Variants in ITPR2 observed in about 807,000 individuals in gnomAD.
ITPR2 encodes the protein inositol 1,4,5-trisphosphate receptor type 2.
In ITPR2, 207 loss-of-function variants were observed where a neutral mutation model predicts 317.1. The ratio of observed to expected loss-of-function variants is 0.65; its 90% CI spans 0.58 to 0.73. The LOEUF (loss-of-function observed/expected upper bound fraction) is 0.73. Among genes scored for constraint, ITPR2 ranks in the 30% least tolerant of loss-of-function variants. The probability of loss-of-function intolerance (pLI) is 0.00; values close to 1 mark genes in which losing one functional copy is unlikely to be tolerated. For missense variants in ITPR2, 2,613 were observed against 3,284.0 expected (o/e 0.80, Z 4.99); for synonymous variants, 1,156 against 1,149.1 (o/e 1.01, Z -0.12).
chr12:26,828,890 C>G (rs1194656469), intron 1 of ITPR2, among the ~76,000 whole-genome samples: 1 of 152,134 alleles, frequency 6.6e-6, no homozygotes, highest in Non-Finnish European at 1.5e-5. Context: ...CGCAAGGAGC[C>G]GTGGGCAAAC....
chr12:26,464,405 G>A (rs1018229295), intron 45 of ITPR2, among the ~76,000 whole-genome samples: 1 of 152,118 alleles, frequency 6.6e-6, no homozygotes, highest in African/African-American at 2.4e-5. Context: ...TCACGACAAG[G>A]TTCACACTCT....
At chr12:26,520,007 G>T (rs1177698441) in intron 37 of ITPR2, among the ~76,000 whole-genome samples, 1 of 152,194 alleles carries the variant, frequency 6.6e-6, no homozygotes, top group Non-Finnish European at 1.5e-5. Context: ...CTGGCTGGGA[G>T]GTAGGTGGGA....
intron 2 of ITPR2, among the ~76,000 whole-genome samples, chr12:26,771,639 T>C (rs1949845729): frequency 6.6e-6 from 1 of 152,110 alleles, no homozygotes; most frequent in Non-Finnish European, 1.5e-5. Context: ...CTCAGCCTCC[T>C]GAGCAGCTGG....
chr12:26,774,421 T>C (rs1196598894), intron 2 of ITPR2, among the ~76,000 whole-genome samples: 1 of 152,160 alleles, frequency 6.6e-6, no homozygotes, highest in Non-Finnish European at 1.5e-5. Flanking sequence ...AGAGGATCAT[T>C]TGAGGCCAGG....
intron 5 of ITPR2, among the ~76,000 whole-genome samples, chr12:26,719,423 C>T (rs1948795338): frequency 6.6e-6 from 1 of 152,084 alleles, no homozygotes; most frequent in Admixed American, 6.6e-5. Context: ...TCCAAAAGCA[C>T]TTCTGTTGAT....
rs895504695 is a variant in ITPR2 at position 26,481,350 on chromosome 12, T to C, written c.6013-109A>G. 45 of 631,378 alleles carry C rather than the reference T, an allele frequency of 7.1e-5. 2 individuals are homozygous for C. In the South Asian group the frequency reaches 8.7e-4, roughly 12 times the overall value. 39.1% of individuals were successfully genotyped at this position (631,378 alleles called of 1,614,324 possible). A position where few individuals can be genotyped will look rare whatever the true frequency, so the allele number is the denominator to read the frequency against. Reference sequence around the variant, plus strand: ...ACCTTAATTTTTGACCTTTAAAAAATAGGTAAGATTTACCTTTGAGCATTT... The same window carrying C: ...ACCTTAATTTTTGACCTTTAAAAAACAGGTAAGATTTACCTTTGAGCATTT... On this transcript the variant is annotated intron_variant, in intron 42 of 56. Coordinates refer to ENST00000381340, the MANE Select transcript of ITPR2 (RefSeq NM_002223.4).
chr12:26,702,135 A>G (rs1343313947), intron 9 of ITPR2, among the ~76,000 whole-genome samples: 1 of 152,162 alleles, frequency 6.6e-6, no homozygotes, highest in Non-Finnish European at 1.5e-5. Context: ...CTACAATAAT[A>G]ATACAAGTAA....
chr12:26,494,209 A>C lies in ITPR2; in HGVS notation c.5314T>G (p.Ser1772Ala). 6.2e-7 allele frequency: 1 copy of C among 1,613,232 alleles called. No homozygotes were observed. The highest frequency in any genetic ancestry group is 1.1e-5 in the South Asian group (1 of 90,962). Residue 1772 changes from serine to alanine, a missense_variant, in exon 39 of 57, where the codon TCA becomes GCA. Around this residue, in one of 9 missense-constraint regions of ITPR2, gnomAD observed 926 missense variants for 1,072.8 expected, o/e 0.86. Coordinates refer to ENST00000381340, the MANE Select transcript of ITPR2 (RefSeq NM_002223.4). Reference sequence around the variant, plus strand: ...GCAATGCCGAGGAAAATGCCTTCTGAAAAAATTCTGTCATTTTTGGTGTTC... The same window carrying C: ...GCAATGCCGAGGAAAATGCCTTCTGCAAAAATTCTGTCATTTTTGGTGTTC... ...IVNTKNDRIFSEGIFLGIALL... is the reference protein window; with the variant it reads ...IVNTKNDRIFAEGIFLGIALL...
At chr12:26,762,755 TATA>T (rs1014271056) in intron 2 of ITPR2, among the ~76,000 whole-genome samples, 20 of 152,174 alleles carry the variant, frequency 1.3e-4, no homozygotes, top group African/African-American at 4.8e-4. Context: ...TAAGTGTAGC[TATA>T]ATAACTTGTT....
chr12:26,442,434 A>G (rs1484638583), intron 46 of ITPR2, among the ~76,000 whole-genome samples: 1 of 152,096 alleles, frequency 6.6e-6, no homozygotes, highest in African/African-American at 2.4e-5. Context: ...CACTACTGGA[A>G]TCAATAAAAC....
At chr12:26,370,704 T>C (rs1197741589) in intron 55 of ITPR2, among the ~76,000 whole-genome samples, 1 of 152,214 alleles carries the variant, frequency 6.6e-6, no homozygotes, top group Non-Finnish European at 1.5e-5. Flanking sequence ...TGATGGAGTC[T>C]TGCTCTGTTG....
chr12:26,739,856 T>A (rs768263580), intron 2 of ITPR2, among the ~76,000 whole-genome samples: 1 of 152,240 alleles, frequency 6.6e-6, no homozygotes, highest in Non-Finnish European at 1.5e-5. Context: ...TTGTTCACTT[T>A]TCTATGGATC....
chr12:26,473,043 C>G (rs1162313830), intron 45 of ITPR2, among the ~76,000 whole-genome samples: 1 of 152,044 alleles, frequency 6.6e-6, no homozygotes, highest in Non-Finnish European at 1.5e-5. Flanking sequence ...TGCACCACCA[C>G]ACCCAACTAA....
intron 50 of ITPR2, among the ~76,000 whole-genome samples, chr12:26,418,576 A>C (rs1940795387): frequency 6.6e-6 from 1 of 152,200 alleles, no homozygotes; most frequent in African/African-American, 2.4e-5. Context: ...TGTTCTTAAA[A>C]CAACTGTCTC....
intron 26 of ITPR2, among the ~76,000 whole-genome samples, chr12:26,603,479 G>A (rs933606440): frequency 3.9e-5 from 6 of 152,164 alleles, no homozygotes; most frequent in Non-Finnish European, 7.3e-5. Context: ...TTATGAAGAC[G>A]TCATGCACAC....
intron 40 of ITPR2, 46 bp downstream of exon 40, chr12:26,487,020 CCT>C (rs752158256): frequency 6.8e-7 from 1 of 1,477,052 alleles, no homozygotes; most frequent in South Asian, 1.1e-5. Context: ...ACGCTATTCC[CCT>C]CTTTTCTCTC....
chr12:26,786,764 A>G (rs1950259838), intron 2 of ITPR2, among the ~76,000 whole-genome samples: 2 of 152,234 alleles, frequency 1.3e-5, no homozygotes, highest in Non-Finnish European at 2.9e-5. Context: ...AAATGTTATG[A>G]TTCACTTGAA....
chr12:26,532,188 C>G (rs1256732758), intron 37 of ITPR2, among the ~76,000 whole-genome samples: 1 of 152,136 alleles, frequency 6.6e-6, no homozygotes, highest in Admixed American at 6.5e-5. Flanking sequence ...ATATCACGAG[C>G]TAAAAGCAGT....
intron 33 of ITPR2, among the ~76,000 whole-genome samples, chr12:26,579,430 A>T (rs1387879731): frequency 6.6e-6 from 1 of 152,132 alleles, no homozygotes; most frequent in Non-Finnish European, 1.5e-5. Flanking sequence ...TTTTTTATGC[A>T]TGTATGTTTA....
Sources: allele counts gnomAD v4.1 joint callset (sites outside exome capture counted in the v4.1 genomes callset), GRCh38; gene constraint gnomAD v4.1.1; regional missense constraint gnomAD v4.1.1; transcripts MANE v1.5; gene names NCBI Gene and HGNC (gene_info 2026-07-23, HGNC 2026-07-21).